Variants in CXADR observed in about 807,000 individuals in gnomAD.
CXADR encodes coxsackievirus and adenovirus receptor.
CXADR carries 20 observed loss-of-function variants against 40.3 expected under a neutral mutation model. The ratio of observed to expected loss-of-function variants is 0.50; its 90% CI spans 0.35 to 0.72. The LOEUF (loss-of-function observed/expected upper bound fraction) is 0.72. CXADR is among the 30% of genes least tolerant of loss of function. The probability of loss-of-function intolerance (pLI) is 0.01; values close to 1 mark genes in which losing one functional copy is unlikely to be tolerated. For missense variants in CXADR, 332 were observed against 449.1 expected (o/e 0.74, Z 2.36); for synonymous variants, 150 against 161.3 (o/e 0.93, Z 0.53).
chr21:17,568,814 C>T lies in CXADR; in HGVS notation c.*3122C>T. 1.0e-6 allele frequency: 1 copy of T among 984,966 alleles called. No homozygotes were observed. 61.0% of individuals were successfully genotyped at this position (984,966 alleles called of 1,614,324 possible). ...CCCACCCCCAAAAATGTCTACTATT[C>T]ATGACAGTAACCAATTATTCTGGAC... On this transcript the variant is annotated 3_prime_UTR_variant, in exon 7 of 7. Coordinates refer to ENST00000284878, the MANE Select transcript of CXADR (RefSeq NM_001338.5).
downstream of CXADR, chr21:17,593,700 T>C (rs1228439270): frequency 5.9e-6 from 1 of 168,132 alleles, no homozygotes; most frequent in Non-Finnish European, 1.3e-5. Context: ...TTTCACACAA[T>C]TCTCTTAAAC....
the CXADR span, among the ~76,000 whole-genome samples, chr21:17,600,665 A>G: frequency 6.6e-6 from 1 of 152,056 alleles, no homozygotes; most frequent in Non-Finnish European, 1.5e-5. Context: ...TCAAAAAAAC[A>G]AAAAAACAAG....
At chr21:17,572,650 G>A (rs1476807225), downstream of CXADR, among the ~76,000 whole-genome samples, 1 of 151,964 alleles carries the variant, frequency 6.6e-6, no homozygotes, top group Non-Finnish European at 1.5e-5. Flanking sequence ...GGAGCCTCTG[G>A]GTGCTTAGGA....
chr21:17,514,668 T>G (rs2060436662), intron 1 of CXADR, among the ~76,000 whole-genome samples: 1 of 151,892 alleles, frequency 6.6e-6, no homozygotes, highest in African/African-American at 2.4e-5. Context: ...AGTTTCGCTC[T>G]TGTTGCACAG....
downstream of CXADR, among the ~76,000 whole-genome samples, chr21:17,574,475 GATACTAAGC>G (rs2061304372): frequency 6.6e-6 from 1 of 152,158 alleles, no homozygotes; most frequent in Non-Finnish European, 1.5e-5. Context: ...GGGAAATTAT[GATACTAAGC>G]TAGGAAAGAC....
At chr21:17,513,687 C>T (rs565654938) in intron 1 of CXADR, among the ~76,000 whole-genome samples, 1 of 152,312 alleles carries the variant, frequency 6.6e-6, no homozygotes, top group Non-Finnish European at 1.5e-5. Context: ...CAGGCTACCT[C>T]TAGGAAAGAG....
intron 1 of CXADR, among the ~76,000 whole-genome samples, chr21:17,521,221 G>A (rs2060526316): frequency 6.6e-6 from 1 of 152,202 alleles, no homozygotes. Flanking sequence ...TGATGCAAAA[G>A]TGAGGCTAGT....
the CXADR span, chr21:17,604,090 G>T: frequency 8.0e-7 from 1 of 1,246,196 alleles, no homozygotes; most frequent in Non-Finnish European, 1.0e-6. Flanking sequence ...TAGGAGATGT[G>T]AAAAATAACT....
At chr21:17,591,205 A>G (rs918430093) in intron 7 of CXADR, among the ~76,000 whole-genome samples, 2 of 152,018 alleles carry the variant, frequency 1.3e-5, no homozygotes, top group Non-Finnish European at 2.9e-5. Context: ...GAGCTTCATT[A>G]TTTAGTTTTC....
chr21:17,559,672 T>TG (rs1569128095), intron 4 of CXADR, among the ~76,000 whole-genome samples: 2 of 137,950 alleles, frequency 1.4e-5, no homozygotes, highest in African/African-American at 2.6e-5. Context: ...TTTTTGGGTT[T>TG]TTTTTTTTTT....
At chr21:17,607,908 G>A in the CXADR span, among the ~76,000 whole-genome samples, 1 of 152,188 alleles carries the variant, frequency 6.6e-6, no homozygotes, top group Non-Finnish European at 1.5e-5. Flanking sequence ...TGTTTTATAG[G>A]AGTCTGCTCT....
chr21:17,589,344 A>G (rs2061418935), intron 7 of CXADR, among the ~76,000 whole-genome samples: 2 of 152,144 alleles, frequency 1.3e-5, no homozygotes, highest in African/African-American at 4.8e-5. Context: ...CACTGATGGC[A>G]GCATTTGCAT....
rs191191732 is a variant in CXADR at position 17,569,830 on chromosome 21, G to C, written c.*4138G>C. 61 of 985,060 alleles carry C rather than the reference G, an allele frequency of 6.2e-5. No homozygotes were observed. The Admixed American group carries it at 3.7e-3, about 61-fold the overall frequency. 61.0% of individuals were successfully genotyped at this position (985,060 alleles called of 1,614,324 possible). ...TTATTTAATGACACAAGTTTTAAGAGAACCACAATTCATTGATTCACTTAT... is the reference window on the plus strand; with the variant it reads ...TTATTTAATGACACAAGTTTTAAGACAACCACAATTCATTGATTCACTTAT... On this transcript the variant is annotated 3_prime_UTR_variant, in exon 7 of 7. Coordinates refer to ENST00000284878, the MANE Select transcript of CXADR (RefSeq NM_001338.5).
downstream of CXADR, among the ~76,000 whole-genome samples, chr21:17,573,500 TA>T (rs1310275523): frequency 6.6e-6 from 1 of 152,186 alleles, no homozygotes; most frequent in African/African-American, 2.4e-5. Context: ...TATGCCAACA[TA>T]GTTATTTCAT....
At position 17,534,019 on chromosome 21, in the gene CXADR, T is replaced by TATAGCTATATATATATATATACAC. The variant is rs1555864921; in HGVS notation, c.44-13005_44-13004insGCTATATATATATATATACACATA. On this transcript the variant is annotated intron_variant, in intron 1 of 6. Transcript: ENST00000284878. Reference sequence around the variant, plus strand: ...TCTCTTTCTCAGCAATATATATATATATATATATAGCTATATATATATATA... The same window carrying TATAGCTATATATATATATATACAC: ...TCTCTTTCTCAGCAATATATATATATATAGCTATATATATATATATACACATATATATAGCTATATATATATATA... 2.6e-3 allele frequency among the ~76,000 whole-genome samples: 208 copies of TATAGCTATATATATATATATACAC among 81,392 alleles called. 4 individuals are homozygous for TATAGCTATATATATATATATACAC. Among genetic ancestry groups the TATAGCTATATATATATATATACAC allele is most frequent in the Non-Finnish European group, 4.8e-3 (175 of 36,612 alleles). The allele number at this position is 81,392 out of a possible 152,430, so 53.4% of individuals were successfully genotyped here.
the CXADR span, among the ~76,000 whole-genome samples, chr21:17,606,943 G>C: frequency 6.6e-6 from 1 of 152,032 alleles, no homozygotes; most frequent in Non-Finnish European, 1.5e-5. Flanking sequence ...TTGCCAAATT[G>C]CTCTCTACAA....
Position 17,559,120 on chromosome 21 carries a change from C to T in CXADR, c.560C>T (p.Ser187Leu), listed in dbSNP as rs761347449. The change falls in exon 4 of 7, where the codon TCA (serine) becomes TTA (leucine). Residue 187 changes from serine to leucine, a missense_variant. Transcript: ENST00000284878. ...TCTGACTCACAGAAAATGCCCACTT[C>T]ATGGTTAGCAGGTACTGCTGATAAT... The part of the protein sequence containing the change: ...KLSDSQKMPT[S>L]WLAEMTSSVI... 6 of 1,614,032 alleles carry T rather than the reference C, an allele frequency of 3.7e-6. No homozygotes were observed. Among genetic ancestry groups the T allele is most frequent in the South Asian group, 1.1e-5 (1 of 91,078 alleles).
chr21:17,592,673 T>A (rs1218171372), intron 7 of CXADR, among the ~76,000 whole-genome samples: 1 of 151,662 alleles, frequency 6.6e-6, no homozygotes, highest in Non-Finnish European at 1.5e-5. Context: ...TTAAAAAAAA[T>A]TGATAAAACG....
chr21:17,606,861 A>G, the CXADR span, among the ~76,000 whole-genome samples: 2 of 152,328 alleles, frequency 1.3e-5, no homozygotes, highest in East Asian at 3.8e-4. Flanking sequence ...ATTTCTAATT[A>G]TACTTCTAGA....
Sources: gnomAD v4.1 joint callset for allele counts (sites outside exome capture counted in the v4.1 genomes callset) on GRCh38, gnomAD v4.1.1 for gene constraint, MANE v1.5 for transcripts, NCBI Gene and HGNC (gene_info 2026-07-23, HGNC 2026-07-21) for gene names.